The following MMP16 variants were observed in gnomAD, a reference collection of about 807,000 sequenced individuals.
MMP16 encodes matrix metalloproteinase-16.
A neutral mutation model predicts 67.8 loss-of-function variants in MMP16; 12 were observed. The observed-to-expected ratio is 0.18, with a 90% CI of 0.11 to 0.29. The LOEUF (loss-of-function observed/expected upper bound fraction) is 0.29. MMP16 is among the 10% of genes least tolerant of loss of function. MMP16 has a pLI of 1.00. For missense variants in MMP16, 475 were observed against 765.7 expected (o/e 0.62, Z 4.48); for synonymous variants, 249 against 255.9 (o/e 0.97, Z 0.26).
At chr8:88,266,033 G>A (rs1033330553) in intron 1 of MMP16, among the ~76,000 whole-genome samples, 1 of 152,168 alleles carries the variant, frequency 6.6e-6, no homozygotes, top group East Asian at 1.9e-4. Flanking sequence ...ATTTCTCAAT[G>A]GGACACCACT....
chr8:88,129,589 A>T (rs776669422), intron 4 of MMP16, among the ~76,000 whole-genome samples: 22 of 151,734 alleles, frequency 1.4e-4, no homozygotes, highest in Middle Eastern at 3.4e-3. Context: ...ATATTAAAAA[A>T]AAGAAAAGAA....
chr8:88,069,014 C>A (rs1038612419), intron 7 of MMP16, among the ~76,000 whole-genome samples: 4 of 152,094 alleles, frequency 2.6e-5, no homozygotes, highest in Non-Finnish European at 5.9e-5. Flanking sequence ...AATCAAGTAG[C>A]ATTTCCAAAG....
intron 3 of MMP16, among the ~76,000 whole-genome samples, chr8:88,182,717 A>G (rs143493279): frequency 6.6e-6 from 1 of 152,270 alleles, no homozygotes; most frequent in African/African-American, 2.4e-5. Context: ...TATTTATCCA[A>G]ATGAGTTAAA....
At chr8:88,176,002 G>GT (rs1443266978) in intron 3 of MMP16, among the ~76,000 whole-genome samples, 3 of 152,110 alleles carry the variant, frequency 2.0e-5, no homozygotes, top group African/African-American at 7.2e-5. Context: ...CCATTAAACT[G>GT]TTTTTTCTTT....
chr8:88,252,329 G>C (rs992971579), intron 1 of MMP16, among the ~76,000 whole-genome samples: 2 of 151,986 alleles, frequency 1.3e-5, no homozygotes, highest in Non-Finnish European at 2.9e-5. Context: ...ACATATGCTG[G>C]TTCTAGCTCA....
chr8:88,233,085 G>A (rs904446670), intron 1 of MMP16, among the ~76,000 whole-genome samples: 1 of 151,890 alleles, frequency 6.6e-6, no homozygotes, highest in African/African-American at 2.4e-5. Context: ...TGTTACATAG[G>A]GATAATAATC....
chr8:88,325,218 T>G (rs1291678319), intron 1 of MMP16, among the ~76,000 whole-genome samples: 2 of 152,234 alleles, frequency 1.3e-5, no homozygotes, highest in African/African-American at 4.8e-5. Flanking sequence ...CAATCATAAC[T>G]TTTTTGCATA....
intron 1 of MMP16, among the ~76,000 whole-genome samples, chr8:88,322,836 G>C (rs980930696): frequency 6.6e-6 from 1 of 152,190 alleles, no homozygotes; most frequent in African/African-American, 2.4e-5. Context: ...CCATAGACCT[G>C]AGTGATCCGG....
chr8:88,106,051 G>GTA (rs34758855), intron 6 of MMP16, among the ~76,000 whole-genome samples: 2,717 of 145,366 alleles, frequency 0.019, 34 homozygotes, highest in African/African-American at 0.029. Context: ...TACACGTTAT[G>GTA]TATATATATA....
intron 4 of MMP16, among the ~76,000 whole-genome samples, chr8:88,157,525 G>A (rs1029037255): frequency 9.2e-5 from 14 of 152,020 alleles, no homozygotes; most frequent in Non-Finnish European, 1.3e-4. Context: ...GGCAACTTCC[G>A]AAGTCATGTG....
Position 88,306,391 on chromosome 8 carries a change from C to T in MMP16, c.132+20684G>A, listed in dbSNP as rs76466133. Among the ~76,000 whole-genome samples the T allele has an allele frequency of 7.4e-3, 1,127 of 152,182 alleles. 6 individuals are homozygous for T. The highest frequency in any genetic ancestry group is 0.012 in the Non-Finnish European group (795 of 67,988). ...CTGGTACCATTTCTGCTGAACTATT[C>T]CAAAAAATTGAAAAGGAGGGACACT... On this transcript the variant is annotated intron_variant, in intron 1 of 9. Coordinates refer to ENST00000286614, the MANE Select transcript of MMP16 (RefSeq NM_005941.5).
At chr8:88,280,693 C>A (rs576079016) in intron 1 of MMP16, among the ~76,000 whole-genome samples, 3 of 152,216 alleles carry the variant, frequency 2.0e-5, no homozygotes, top group South Asian at 2.1e-4. Flanking sequence ...GAGTTCAAGA[C>A]CAGCATGGGC....
intron 4 of MMP16, among the ~76,000 whole-genome samples, chr8:88,164,404 C>T (rs1046619831): frequency 1.3e-5 from 2 of 151,946 alleles, no homozygotes; most frequent in Non-Finnish European, 2.9e-5. Flanking sequence ...CGAGGATGTA[C>T]AAATGAATTA....
At chr8:88,249,609 T>C (rs1421930932) in intron 1 of MMP16, among the ~76,000 whole-genome samples, 1 of 152,122 alleles carries the variant, frequency 6.6e-6, no homozygotes, top group African/African-American at 2.4e-5. Context: ...CCACATTTTG[T>C]TGACAAGCCT....
intron 6 of MMP16, among the ~76,000 whole-genome samples, chr8:88,087,120 C>T (rs1213455201): frequency 6.6e-6 from 1 of 151,836 alleles, no homozygotes; most frequent in Non-Finnish European, 1.5e-5. Flanking sequence ...TTTCCTGCTC[C>T]TATAGTCCTA....
intron 4 of MMP16, among the ~76,000 whole-genome samples, chr8:88,138,735 T>C (rs1808163272): frequency 6.6e-6 from 1 of 152,090 alleles, no homozygotes; most frequent in South Asian, 2.1e-4. Context: ...TCACCTTTCT[T>C]TGGTTCCTTT....
intron 1 of MMP16, among the ~76,000 whole-genome samples, chr8:88,296,502 C>G (rs1167491873): frequency 6.6e-6 from 1 of 152,024 alleles, no homozygotes; most frequent in African/African-American, 2.4e-5. Flanking sequence ...CCAACATTTA[C>G]TTCTAACAGT....
intron 3 of MMP16, among the ~76,000 whole-genome samples, chr8:88,178,011 G>T (rs968567282): frequency 7.0e-6 from 1 of 143,374 alleles, no homozygotes; most frequent in Non-Finnish European, 1.5e-5. Context: ...AGGAGACAAA[G>T]AAAAAAAAAA....
intron 6 of MMP16, among the ~76,000 whole-genome samples, chr8:88,114,706 A>G (rs1474559370): frequency 6.6e-6 from 1 of 151,994 alleles, no homozygotes; most frequent in African/African-American, 2.4e-5. Flanking sequence ...AGAAAGCAAT[A>G]ATTCTTGGAA....
Sources: allele counts gnomAD v4.1 joint callset (sites outside exome capture counted in the v4.1 genomes callset), GRCh38; gene constraint gnomAD v4.1.1; transcripts MANE v1.5; gene names NCBI Gene and HGNC (gene_info 2026-07-23, HGNC 2026-07-21).